SGCZ: variants seen among roughly 807,000 people sequenced by gnomAD.
The protein encoded by SGCZ is sarcoglycan zeta.
SGCZ carries 40 observed loss-of-function variants against 41.3 expected under a neutral mutation model. The observed-to-expected ratio is 0.97, with a 90% CI of 0.75 to 1.26. The LOEUF (loss-of-function observed/expected upper bound fraction) is 1.26, where lower values mean the gene tolerates loss of function less well. SGCZ is among the 50% of genes most tolerant of loss of function. SGCZ has a pLI of 0.00. For synonymous variants in SGCZ, 206 were observed against 137.5 expected, an observed-to-expected ratio of 1.50 and a Z score of -3.49; for missense variants, 552 against 369.8, an observed-to-expected ratio of 1.49 and a Z score of -4.04.
At chr8:14,365,055 T>G (rs1803648816) in intron 2 of SGCZ, among the ~76,000 whole-genome samples, 1 of 152,062 alleles carries the variant, frequency 6.6e-6, no homozygotes, top group Non-Finnish European at 1.5e-5. Context: ...GTTGACATTT[T>G]AAGTAATAAG....
At chr8:15,110,555 A>G (rs527782103) in intron 1 of SGCZ, among the ~76,000 whole-genome samples, 10 of 152,336 alleles carry the variant, frequency 6.6e-5, no homozygotes, top group Admixed American at 2.0e-4. Context: ...CACCAAAGTG[A>G]AATCAAAGCA....
At chr8:14,248,794 T>A (rs1369070689) in intron 3 of SGCZ, among the ~76,000 whole-genome samples, 1 of 152,116 alleles carries the variant, frequency 6.6e-6, no homozygotes, top group Non-Finnish European at 1.5e-5. Context: ...TATGAGGGGT[T>A]TTAAATATCT....
At chr8:14,420,828 A>G (rs1015783480) in intron 2 of SGCZ, among the ~76,000 whole-genome samples, 4 of 152,090 alleles carry the variant, frequency 2.6e-5, no homozygotes, top group Non-Finnish European at 2.9e-5. Flanking sequence ...CTTTGTTAAA[A>G]TATTTTGGTA....
At chr8:14,885,984 G>GTT (rs1185410452) in intron 1 of SGCZ, among the ~76,000 whole-genome samples, 4 of 58,396 alleles carry the variant, frequency 6.8e-5, no homozygotes, top group South Asian at 6.7e-4. Context: ...AGGACTTTAT[G>GTT]TTATATATAT....
chr8:14,749,455 A>C (rs1446979183), intron 1 of SGCZ, among the ~76,000 whole-genome samples: 1 of 152,210 alleles, frequency 6.6e-6, no homozygotes, highest in Non-Finnish European at 1.5e-5. Context: ...TTTTGGTCAA[A>C]CTACATCATG....
At chr8:14,303,264 T>A (rs972878957) in intron 3 of SGCZ, among the ~76,000 whole-genome samples, 11 of 152,168 alleles carry the variant, frequency 7.2e-5, no homozygotes, top group African/African-American at 2.7e-4. Context: ...AGAAAATAGT[T>A]AACCGTAAAT....
At chr8:14,594,320 G>T (rs1159810526) in intron 1 of SGCZ, among the ~76,000 whole-genome samples, 1 of 151,944 alleles carries the variant, frequency 6.6e-6, no homozygotes, top group Non-Finnish European at 1.5e-5. Flanking sequence ...GGATGATGTT[G>T]ATGCTACTGG....
intron 2 of SGCZ, among the ~76,000 whole-genome samples, chr8:14,429,786 A>G (rs1464667581): frequency 1.3e-5 from 2 of 151,418 alleles, no homozygotes; most frequent in Non-Finnish European, 2.9e-5. Flanking sequence ...GTTTTCTTGG[A>G]CTTGTTTTTT....
At chr8:14,213,515 A>G (rs577177401) in intron 4 of SGCZ, among the ~76,000 whole-genome samples, 2 of 152,254 alleles carry the variant, frequency 1.3e-5, no homozygotes, top group South Asian at 4.1e-4. Flanking sequence ...ATAAGAGAAT[A>G]TGTTATCAGT....
intron 1 of SGCZ, among the ~76,000 whole-genome samples, chr8:14,664,663 T>A (rs1001738574): frequency 1.3e-5 from 2 of 152,158 alleles, no homozygotes; most frequent in Non-Finnish European, 1.5e-5. Context: ...TTTCAGTACA[T>A]TTTATTATTT....
intron 1 of SGCZ, among the ~76,000 whole-genome samples, chr8:15,017,690 G>A (rs1007965842): frequency 1.5e-4 from 23 of 151,970 alleles, no homozygotes; most frequent in Admixed American, 2.0e-4. Flanking sequence ...TATTTTTACA[G>A]AGACAGGGTT....
intron 1 of SGCZ, among the ~76,000 whole-genome samples, chr8:14,558,097 C>T (rs185323677): frequency 8.5e-5 from 13 of 152,168 alleles, no homozygotes; most frequent in African/African-American, 2.6e-4. Flanking sequence ...AAAGATACAA[C>T]CTTCCTAGTT....
intron 1 of SGCZ, among the ~76,000 whole-genome samples, chr8:15,123,775 G>A (rs1279995692): frequency 6.6e-6 from 1 of 152,186 alleles, no homozygotes; most frequent in Non-Finnish European, 1.5e-5. Flanking sequence ...AACATAATGC[G>A]ATAAGCATAA....
At chr8:14,930,818 A>T (rs1799903443) in intron 1 of SGCZ, among the ~76,000 whole-genome samples, 3 of 151,860 alleles carry the variant, frequency 2.0e-5, no homozygotes, top group African/African-American at 7.3e-5. Flanking sequence ...ATCACACACC[A>T]GGGCTTGTCA....
At chr8:14,836,199 CA>C (rs1802697096) in intron 1 of SGCZ, among the ~76,000 whole-genome samples, 3 of 131,138 alleles carry the variant, frequency 2.3e-5, no homozygotes, top group African/African-American at 8.4e-5. Flanking sequence ...TGCCTAAAAA[CA>C]AAAAATCAAT....
At chr8:15,144,851 C>T (rs1035702257) in intron 1 of SGCZ, among the ~76,000 whole-genome samples, 1 of 152,158 alleles carries the variant, frequency 6.6e-6, no homozygotes, top group Non-Finnish European at 1.5e-5. Flanking sequence ...TAATTTTTTC[C>T]TATCATTTTC....
intron 2 of SGCZ, among the ~76,000 whole-genome samples, chr8:14,498,688 T>G (rs1802062299): frequency 6.6e-6 from 1 of 152,094 alleles, no homozygotes; most frequent in African/African-American, 2.4e-5. Flanking sequence ...GTTTAACACT[T>G]GTTGATTAAA....
chr8:14,267,256 A>C (rs12676792), intron 3 of SGCZ, among the ~76,000 whole-genome samples: 1 of 151,940 alleles, frequency 6.6e-6, no homozygotes, highest in South Asian at 2.1e-4. Context: ...ATACTGAACA[A>C]GTATTATATG....
chr8:15,158,107 C>G (rs1799390798), intron 1 of SGCZ, among the ~76,000 whole-genome samples: 1 of 151,918 alleles, frequency 6.6e-6, no homozygotes, highest in South Asian at 2.1e-4. Flanking sequence ...CTCCTTTTCT[C>G]TAGATCTCTC....
Sources: allele counts gnomAD v4.1 joint callset (sites outside exome capture counted in the v4.1 genomes callset), GRCh38; gene constraint gnomAD v4.1.1; transcripts MANE v1.5; gene names NCBI Gene and HGNC (gene_info 2026-07-23, HGNC 2026-07-21).